NXPE4: variants seen among roughly 807,000 people sequenced by gnomAD.
NXPE4 encodes the protein neurexophilin and PC-esterase domain family member 4, also known as NXPE family member 4.
In NXPE4, 42 loss-of-function variants were observed where a neutral mutation model predicts 33.3. The ratio of observed to expected loss-of-function variants is 1.26; its 90% CI spans 0.98 to 1.63. The LOEUF is 1.63. NXPE4 is among the 40% of genes most tolerant of loss of function. NXPE4 has a pLI of 0.00. For missense variants in NXPE4, 709 were observed against 647.6 expected (o/e 1.09, Z -1.03); for synonymous variants, 253 against 234.9 (o/e 1.08, Z -0.71).
At chr11:114,623,535 G>A in the NXPE4 span, among the ~76,000 whole-genome samples, 1 of 152,060 alleles carries the variant, frequency 6.6e-6, no homozygotes, top group Non-Finnish European at 1.5e-5. Flanking sequence ...GATAAACACT[G>A]TTACCTGGCA....
chr11:114,661,712 A>C, the NXPE4 span, among the ~76,000 whole-genome samples: 10 of 152,250 alleles, frequency 6.6e-5, no homozygotes, highest in Non-Finnish European at 1.2e-4. Context: ...GAAGAACTGC[A>C]TTGGCCAAGG....
At chr11:114,577,850 G>A (rs1312372157) in intron 5 of NXPE4, among the ~76,000 whole-genome samples, 1 of 152,040 alleles carries the variant, frequency 6.6e-6, no homozygotes, top group Non-Finnish European at 1.5e-5. Context: ...GTACTTCTGT[G>A]TTTCCTTCAC....
chr11:114,586,272 TC>T (rs1196935614), intron 2 of NXPE4, among the ~76,000 whole-genome samples: 9 of 152,322 alleles, frequency 5.9e-5, no homozygotes, highest in African/African-American at 2.2e-4. Flanking sequence ...TATGTCCATG[TC>T]CTTGATTTCC....
At position 114,583,604 on chromosome 11, in the gene NXPE4, G is replaced by A. The variant is rs558734844; in HGVS notation, c.97-583C>T. On this transcript the variant is annotated intron_variant, in intron 2 of 5. Coordinates refer to ENST00000375478, the MANE Select transcript of NXPE4 (RefSeq NM_001077639.2). The stretch of plus-strand genomic sequence containing the variant: ...CTGTCAGTTGTCTACTGGTGGCTCT[G>A]TGGCAAGTGCTGTGAAACTTAATGA... The A allele has an allele frequency of 3.6e-4, 213 of 595,146 alleles. 1 individual carries two copies. The highest frequency in any genetic ancestry group is 3.6e-3 in the African/African-American group (193 of 53,942). The allele number at this position is 595,146 out of a possible 1,614,324, so 36.9% of individuals were successfully genotyped here. A position where few individuals can be genotyped will look rare whatever the true frequency, so the allele number is the denominator to read the frequency against.
At chr11:114,595,220 A>C (rs992030592) in intron 1 of NXPE4, among the ~76,000 whole-genome samples, 1 of 152,120 alleles carries the variant, frequency 6.6e-6, no homozygotes, top group South Asian at 2.1e-4. Flanking sequence ...ATTAATGCCA[A>C]TCTATTAATA....
chr11:114,668,010 T>C, the NXPE4 span, among the ~76,000 whole-genome samples: 14,004 of 151,898 alleles, frequency 0.092, 765 homozygotes, highest in Middle Eastern at 0.2. Flanking sequence ...TTTGTAACAG[T>C]GAGGTTGAGG....
intron 5 of NXPE4, among the ~76,000 whole-genome samples, chr11:114,575,042 G>A (rs747637914): frequency 7.2e-5 from 11 of 151,946 alleles, no homozygotes; most frequent in East Asian, 3.9e-4. Context: ...CTTAACATAC[G>A]TAAGTCAATA....
At chr11:114,625,826 T>C in the NXPE4 span, among the ~76,000 whole-genome samples, 4 of 152,148 alleles carry the variant, frequency 2.6e-5, no homozygotes, top group African/African-American at 9.6e-5. Flanking sequence ...GCACACCACG[T>C]GCAAGCTGAA....
chr11:114,582,939 A>G lies in NXPE4; in HGVS notation c.179T>C (p.Ile60Thr). 6.2e-7 allele frequency: 1 copy of G among 1,614,136 alleles called. No individual in the cohort carries two copies. The highest frequency in any genetic ancestry group is 8.5e-7 in the Non-Finnish European group (1 of 1,180,028). Residue 60 changes from isoleucine (I) to threonine (T), a missense_variant, in exon 3 of 6, where the codon ATA becomes ACA. Transcript: ENST00000375478. Reference protein sequence around the residue: ...TKSLFPKTPLISLKPLTETEL... With the variant: ...TKSLFPKTPLTSLKPLTETEL... ...AGTCTCTGTTAGTGGCTTTAATGATATCAGTGGTGTTTTAGGGAATAAGGA... is the reference window on the plus strand; with the variant it reads ...AGTCTCTGTTAGTGGCTTTAATGATGTCAGTGGTGTTTTAGGGAATAAGGA...
chr11:114,583,757 A>G, intron 2 of NXPE4: 2 of 487,166 alleles, frequency 4.1e-6, no homozygotes, highest in Non-Finnish European at 8.1e-6. Flanking sequence ...GTATCACCAG[A>G]GGGTGTTGTA....
the NXPE4 span, among the ~76,000 whole-genome samples, chr11:114,605,967 G>A: frequency 1.3e-5 from 2 of 151,152 alleles, no homozygotes; most frequent in Non-Finnish European, 3.0e-5. Context: ...GTGTTGCCTC[G>A]TGGGTAACCA....
the NXPE4 span, among the ~76,000 whole-genome samples, chr11:114,604,417 C>G: frequency 6.6e-6 from 1 of 151,904 alleles, no homozygotes. Context: ...TAAGTATTGC[C>G]TCGTGGGTAA....
At chr11:114,611,318 CAG>C in the NXPE4 span, among the ~76,000 whole-genome samples, 1 of 150,618 alleles carries the variant, frequency 6.6e-6, no homozygotes, top group Non-Finnish European at 1.5e-5. Flanking sequence ...CACTGTTACC[CAG>C]TGGATAATAA....
In NXPE4 at chr11:114,594,686, G is replaced by A; in HGVS notation, c.74C>T (p.Thr25Ile). The part of the protein sequence containing the change: ...LFILASWIIF[T>I]VFQNSTKVWS... ...TACCTTTGTGGAGTTCTGGAAAACTGTAAAAATGATCCAGGAGGCTAATAT... is the reference window on the plus strand; with the variant it reads ...TACCTTTGTGGAGTTCTGGAAAACTATAAAAATGATCCAGGAGGCTAATAT... Residue 25 changes from threonine to isoleucine, a missense_variant, in exon 2 of 6, where the codon ACA becomes ATA. Transcript: ENST00000375478. 3 of 1,601,478 alleles carry A rather than the reference G, an allele frequency of 1.9e-6. No individual in the cohort carries two copies. The highest frequency in any genetic ancestry group is 1.7e-6 in the Non-Finnish European group (2 of 1,171,874).
chr11:114,622,684 C>T, the NXPE4 span, among the ~76,000 whole-genome samples: 4 of 151,834 alleles, frequency 2.6e-5, no homozygotes, highest in Middle Eastern at 3.5e-3. Flanking sequence ...TAAATGTTGC[C>T]TAGTGGTTAA....
the NXPE4 span, among the ~76,000 whole-genome samples, chr11:114,602,461 TATATAAATTATAGATTATATATAAC>T: frequency 7.4e-6 from 1 of 134,954 alleles, no homozygotes; most frequent in Admixed American, 8.2e-5. Context: ...TTATAAATAA[TATATAAATTATAGATTATATATAAC>T]ATATATTATC....
chr11:114,631,856 T>C, the NXPE4 span, among the ~76,000 whole-genome samples: 5 of 151,250 alleles, frequency 3.3e-5, no homozygotes, highest in Non-Finnish European at 5.9e-5. Context: ...TAATAAGTAT[T>C]GTGTCGTGGG....
rs1402903614 is a variant in NXPE4, at chr11:114,582,497, C to G, written c.621G>C (p.Gln207His). The G allele has an allele frequency of 6.2e-7, 1 of 1,614,044 alleles. No homozygotes were observed. The highest frequency in any genetic ancestry group is 1.3e-5 in the African/African-American group (1 of 74,918). The change falls in exon 3 of 6, where the codon CAG becomes CAC. Residue 207 changes from glutamine (Q) to histidine (H), a missense_variant. Transcript: ENST00000375478. ...QGYDRVIFTG[Q>H]FVNGTSQVHS... is the part of the protein sequence containing the mutation. Reference sequence around the variant, plus strand: ...GGACTTGGGAAGTGCCATTGACAAACTGGCCAGTGAAGATCACCCTGTCAT... The same window carrying G: ...GGACTTGGGAAGTGCCATTGACAAAGTGGCCAGTGAAGATCACCCTGTCAT...
the NXPE4 span, among the ~76,000 whole-genome samples, chr11:114,660,496 G>A: frequency 6.6e-6 from 1 of 151,716 alleles, no homozygotes; most frequent in South Asian, 2.1e-4. Flanking sequence ...CATATCATTA[G>A]GCTAAAGAAG....
Sources: allele counts gnomAD v4.1 joint callset (sites outside exome capture counted in the v4.1 genomes callset), GRCh38; gene constraint gnomAD v4.1.1; transcripts MANE v1.5; gene names NCBI Gene and HGNC (gene_info 2026-07-23, HGNC 2026-07-21).